The following MAP3K19 variants were observed in gnomAD, a reference collection of about 807,000 sequenced individuals.
MAP3K19 encodes the protein mitogen-activated protein kinase kinase kinase 19.
In MAP3K19, 91 loss-of-function variants were observed where a neutral mutation model predicts 114.4. The ratio of observed to expected loss-of-function variants is 0.80; its 90% CI spans 0.67 to 0.95. MAP3K19 has a LOEUF of 0.95. MAP3K19 is among the 40% of genes least tolerant of loss of function. The pLI, the probability that MAP3K19 is intolerant of heterozygous loss-of-function variation, is 0.00. For synonymous variants in MAP3K19, 518 were observed against 530.5 expected, an observed-to-expected ratio of 0.98 and a Z score of 0.32; for missense variants, 1,471 against 1,573.2, an observed-to-expected ratio of 0.94 and a Z score of 1.10.
chr2:135,039,405 A>G (rs957298167), intron 2 of MAP3K19, among the ~76,000 whole-genome samples: 1 of 144,672 alleles, frequency 6.9e-6, no homozygotes, highest in African/African-American at 2.7e-5. Flanking sequence ...AAACATGCTG[A>G]AACCCCATGT....
At chr2:134,998,238 T>C (rs1293853785) in intron 8 of MAP3K19, among the ~76,000 whole-genome samples, 2 of 152,174 alleles carry the variant, frequency 1.3e-5, no homozygotes, top group Non-Finnish European at 2.9e-5. Context: ...TCAATACTTC[T>C]GGCCAAAAGC....
chr2:135,031,599 TA>T (rs1688382160), intron 2 of MAP3K19, among the ~76,000 whole-genome samples: 1 of 152,174 alleles, frequency 6.6e-6, no homozygotes, highest in South Asian at 2.1e-4. Context: ...GAAAATGACA[TA>T]ATCAGGTCAG....
At position 134,964,836 on chromosome 2, in the gene MAP3K19, G is replaced by A; in HGVS notation, c.*14C>T. 1 of 1,605,826 alleles carries A rather than the reference G, an allele frequency of 6.2e-7. No individual in the cohort carries two copies. The highest frequency in any genetic ancestry group is 8.5e-7 in the Non-Finnish European group (1 of 1,173,004). On this transcript the variant is annotated 3_prime_UTR_variant, in exon 13 of 13. Transcript: ENST00000392915. ...CATCTGCAGTGGAACTGGGAAGAAA[G>A]TCTTGATGTATATTCAGTGACTTCT...
intron 5 of MAP3K19, among the ~76,000 whole-genome samples, chr2:135,017,034 T>C (rs1211698363): frequency 6.6e-6 from 1 of 152,238 alleles, no homozygotes; most frequent in African/African-American, 2.4e-5. Flanking sequence ...CTTCATTTCT[T>C]TGTGCTCCTG....
At chr2:135,005,559 G>A in intron 5 of MAP3K19, 28 bp from the exon 6 acceptor site, 1 of 1,547,186 alleles carries the variant, frequency 6.5e-7, no homozygotes, top group Non-Finnish European at 8.9e-7. Flanking sequence ...TCAAAACTCA[G>A]TTATTAGTTA....
intron 12 of MAP3K19, among the ~76,000 whole-genome samples, chr2:134,975,913 G>T (rs1559138623): frequency 6.6e-6 from 1 of 152,186 alleles, no homozygotes; most frequent in African/African-American, 2.4e-5. Flanking sequence ...GAAAGGGTGG[G>T]GTTGCTATCT....
Position 134,964,731 on chromosome 2 carries a change from G to C in MAP3K19, c.*119C>G. 1 of 740,608 alleles carries C rather than the reference G, an allele frequency of 1.4e-6. No homozygotes were observed. The highest frequency in any genetic ancestry group is 2.4e-5 in the Admixed American group (1 of 41,802). 45.9% of individuals were successfully genotyped at this position (740,608 alleles called of 1,614,324 possible). A position where few individuals can be genotyped will look rare whatever the true frequency, so the allele number is the denominator to read the frequency against. ...TTCAGTTAATGACTCCATAGGATCT[G>C]CTTAAACTGGGTTAGACTGAATTTT... On this transcript the variant is annotated 3_prime_UTR_variant, in exon 13 of 13. Coordinates refer to ENST00000392915, the MANE Select transcript of MAP3K19 (RefSeq NM_025052.5).
chr2:134,986,423 C>G lies in MAP3K19; in HGVS notation c.2449G>C (p.Glu817Gln). 1.2e-6 allele frequency: 2 copies of G among 1,613,944 alleles called. No individual in the cohort carries two copies. Among genetic ancestry groups the G allele is most frequent in the Non-Finnish European group, 1.7e-6 (2 of 1,180,028 alleles). The change falls in exon 10 of 13, where the codon GAG becomes CAG. Residue 817 changes from glutamate to glutamine, a missense_variant. Glu to Gln is a conservative substitution (Grantham distance 29, BLOSUM62 2). Transcript: ENST00000392915. ...GAAATGTCTCTATCACCAGTAGACT[C>G]TTCCATAGAAACTTCTTCAACAATG... Reference protein sequence around the residue: ...LSIVEEVSMEESTGDRDISNN... With the variant: ...LSIVEEVSMEQSTGDRDISNN...
rs1335376787 is a variant in MAP3K19 at position 135,005,434 on chromosome 2, C to T, written c.235+1G>A. 1 of 1,608,484 alleles carries T rather than the reference C, an allele frequency of 6.2e-7. No individual in the cohort carries two copies. Among genetic ancestry groups the T allele is most frequent in the South Asian group, 1.1e-5 (1 of 90,972 alleles). Reference sequence around the variant, plus strand: ...ACACATCAAGGAGTAAAGCCCAGTACCTTCTGTCCTGGGTTGCCAGTCCTG... The same window carrying T: ...ACACATCAAGGAGTAAAGCCCAGTATCTTCTGTCCTGGGTTGCCAGTCCTG... On this transcript the variant is annotated splice_donor_variant, in intron 6 of 12. Coordinates refer to ENST00000392915, the MANE Select transcript of MAP3K19 (RefSeq NM_025052.5). LOFTEE classifies it high-confidence loss of function.
At position 135,025,374 on chromosome 2, in the gene MAP3K19, TTTC is replaced by T. The variant is rs1459394212; in HGVS notation, c.-94-636_-94-634del. ...TGTGCCTCTCCACATGGCCTTTTCT[TTTC>T]TTTTTTTTTTTTTTTTTTTTTTTTT... is the stretch of plus-strand genomic sequence containing the variant. On this transcript the variant is annotated intron_variant, in intron 3 of 12. Coordinates refer to ENST00000392915, the MANE Select transcript of MAP3K19 (RefSeq NM_025052.5). 2.6e-3 allele frequency among the ~76,000 whole-genome samples: 302 copies of T among 113,990 alleles called. 28 individuals are homozygous for T. The highest frequency in any genetic ancestry group is 0.011 in the African/African-American group (228 of 20,496). The allele number at this position is 113,990 out of a possible 152,430, so 74.8% of individuals were successfully genotyped here. A position where few individuals can be genotyped will look rare whatever the true frequency, so the allele number is the denominator to read the frequency against.
intron 9 of MAP3K19, among the ~76,000 whole-genome samples, chr2:134,990,460 GTTTT>G (rs112948807): frequency 1.4e-5 from 2 of 145,726 alleles, no homozygotes; most frequent in Non-Finnish European, 1.5e-5. Flanking sequence ...TTCTTTTTTT[GTTTT>G]TTTTTTTTGT....
At chr2:134,972,944 A>C (rs1294449243) in intron 12 of MAP3K19, among the ~76,000 whole-genome samples, 1 of 152,192 alleles carries the variant, frequency 6.6e-6, no homozygotes, top group Non-Finnish European at 1.5e-5. Flanking sequence ...ACAGTTTCCA[A>C]AGTTCCTCTT....
intron 6 of MAP3K19, among the ~76,000 whole-genome samples, chr2:135,003,797 G>A (rs1230889983): frequency 2.0e-5 from 3 of 152,130 alleles, no homozygotes; most frequent in Admixed American, 1.3e-4. Flanking sequence ...CAGGTGATCC[G>A]CCCACCTTGG....
chr2:135,021,540 C>G (rs1171180097), intron 5 of MAP3K19, among the ~76,000 whole-genome samples, 175 bp downstream of exon 5: 1 of 152,122 alleles, frequency 6.6e-6, no homozygotes, highest in East Asian at 1.9e-4. Flanking sequence ...AGTTTACTAG[C>G]TAATTACTGC....
At chr2:135,036,995 C>T (rs1688545446) in intron 2 of MAP3K19, among the ~76,000 whole-genome samples, 1 of 131,626 alleles carries the variant, frequency 7.6e-6, no homozygotes, top group African/African-American at 3.8e-5. Context: ...ACCAGTAAAA[C>T]ATTCTTTTTT....
intron 8 of MAP3K19, 125 bp downstream of exon 8, chr2:134,998,613 A>C (rs556400494): frequency 8.1e-6 from 8 of 992,836 alleles, no homozygotes; most frequent in Non-Finnish European, 1.1e-5. Flanking sequence ...TAAATTACAC[A>C]AGGGCTGGGG....
intron 6 of MAP3K19, among the ~76,000 whole-genome samples, chr2:135,004,297 T>A (rs1239766620): frequency 2.2e-4 from 33 of 151,912 alleles, no homozygotes. Flanking sequence ...GGTTTCGGGG[T>A]TTATTTTCTT....
In MAP3K19 at chr2:134,977,356, ATTTTTT is replaced by A. The variant is rs774277347; in HGVS notation, c.3920+3459_3920+3464del. 5.8e-5 allele frequency among the ~76,000 whole-genome samples: 5 copies of A among 86,840 alleles called. 1 individual carries two copies. The highest frequency in any genetic ancestry group is 1.5e-4 in the African/African-American group (3 of 20,124). The allele number at this position is 86,840 out of a possible 152,430, so 57.0% of individuals were successfully genotyped here. A position where few individuals can be genotyped will look rare whatever the true frequency, so the allele number is the denominator to read the frequency against. On this transcript the variant is annotated intron_variant, in intron 12 of 12. Transcript: ENST00000392915. ...ACAACCATGACTTGCTAATTTTTAA[ATTTTTT>A]TTTTTTTTTTTTTTTTTTGAGATGA...
chr2:135,003,590 T>A (rs1686603528), intron 6 of MAP3K19, among the ~76,000 whole-genome samples: 1 of 152,194 alleles, frequency 6.6e-6, no homozygotes, highest in Non-Finnish European at 1.5e-5. Context: ...AGCCTCACTC[T>A]GTCACCCAGG....
Sources: allele counts gnomAD v4.1 joint callset (sites outside exome capture counted in the v4.1 genomes callset), GRCh38; gene constraint gnomAD v4.1.1; transcripts MANE v1.5; gene names NCBI Gene and HGNC (gene_info 2026-07-23, HGNC 2026-07-21).